SLC27A6: variants seen among roughly 807,000 people sequenced by gnomAD.
SLC27A6 encodes the protein long-chain fatty acid transport protein 6.
A neutral mutation model predicts 63.9 loss-of-function variants in SLC27A6; 74 were observed. The ratio of observed to expected loss-of-function variants is 1.16; its 90% CI spans 0.96 to 1.40. SLC27A6 has a LOEUF of 1.40. Ranked by LOEUF, SLC27A6 falls within the 40% of genes most tolerant of loss-of-function variation. The pLI, the probability that SLC27A6 is intolerant of heterozygous loss-of-function variation, is 0.00. For synonymous variants in SLC27A6, 287 were observed against 260.8 expected, an observed-to-expected ratio of 1.10 and a Z score of -0.97; for missense variants, 794 against 732.9, an observed-to-expected ratio of 1.08 and a Z score of -0.96.
rs1188447661 is a variant in SLC27A6 at position 128,990,474 on chromosome 5, A to C, written c.969+10A>C. On this transcript the variant is annotated intron_variant, in intron 4 of 9. Transcript: ENST00000262462. ...TTGCAAACAATCTAAGGTAGGCGTAATCATTATCAGAAAAAAATATGTCAG... is the reference window on the plus strand; with the variant it reads ...TTGCAAACAATCTAAGGTAGGCGTACTCATTATCAGAAAAAAATATGTCAG... 1 of 1,582,858 alleles carries C rather than the reference A, an allele frequency of 6.3e-7. No homozygotes were observed. Among genetic ancestry groups the C allele is most frequent in the African/African-American group, 1.6e-5 (1 of 63,454 alleles).
chr5:128,994,086 T>C (rs1751072575), intron 4 of SLC27A6, among the ~76,000 whole-genome samples: 1 of 152,100 alleles, frequency 6.6e-6, no homozygotes, highest in Non-Finnish European at 1.5e-5. Flanking sequence ...GAGAATTGCT[T>C]AACCCCGTGA....
At position 128,982,874 on chromosome 5, in the gene SLC27A6, G is replaced by A. The variant is rs560142455; in HGVS notation, c.482-2259G>A. ...ATAAAAATTAATAAGACATCTTAAG[G>A]CTATGAACCCCACTTTCCACCGCAT... is the stretch of plus-strand genomic sequence containing the variant. On this transcript the variant is annotated intron_variant, in intron 1 of 9. Transcript: ENST00000262462. Among the ~76,000 whole-genome samples, 6 of 152,156 alleles carry A rather than the reference G, an allele frequency of 3.9e-5. No individual in the cohort carries two copies. The South Asian group carries it at 8.3e-4, about 21-fold the overall frequency.
chr5:128,968,004 A>G (rs1020204502), intron 1 of SLC27A6, among the ~76,000 whole-genome samples: 1 of 151,906 alleles, frequency 6.6e-6, no homozygotes, highest in Admixed American at 6.6e-5. Flanking sequence ...GAGTGAGAAC[A>G]TGTGGTGTTT....
intron 1 of SLC27A6, among the ~76,000 whole-genome samples, chr5:128,983,227 A>G (rs899299374): frequency 1.2e-3 from 182 of 151,622 alleles, no homozygotes; most frequent in African/African-American, 4.1e-3. Context: ...TAGAAAAAAT[A>G]TAATTGCTTT....
At chr5:129,029,552 G>T (rs774282317) in intron 8 of SLC27A6, 25 bp from the exon 9 acceptor site, 2 of 1,506,970 alleles carry the variant, frequency 1.3e-6, no homozygotes, top group South Asian at 2.5e-5. Context: ...ACTTAAAAAT[G>T]ACTCTATTTC....
intron 1 of SLC27A6, among the ~76,000 whole-genome samples, chr5:128,973,222 GGGTCAGGGACCCACTT>G (rs1750252422): frequency 6.6e-6 from 1 of 152,156 alleles, no homozygotes; most frequent in Non-Finnish European, 1.5e-5. Context: ...GGCTACTCGT[GGGTCAGGGACCCACTT>G]GAGGAGGCAG....
Position 129,029,597 on chromosome 5 carries a change from A to T in SLC27A6, c.1573A>T (p.Met525Leu), listed in dbSNP as rs780325325. 6.3e-7 allele frequency: 1 copy of T among 1,581,834 alleles called. No homozygotes were observed. Among genetic ancestry groups the T allele is most frequent in the South Asian group, 1.2e-5 (1 of 85,610 alleles). ...AISGYEGRAG[M>L]ASIILKPNTS... ...TTCAGGTTATGAAGGAAGAGCAGGAATGGCTTCTATTATTTTAAAACCAAA... is the reference window on the plus strand; with the variant it reads ...TTCAGGTTATGAAGGAAGAGCAGGATTGGCTTCTATTATTTTAAAACCAAA... Residue 525 changes from methionine (M) to leucine (L), a missense_variant, in exon 9 of 10, where the codon ATG becomes TTG. By Grantham distance (15) the Met-to-Leu change is conservative. Transcript: ENST00000262462.
intron 6 of SLC27A6, among the ~76,000 whole-genome samples, chr5:129,026,129 A>AT (rs1015644838): frequency 2.0e-5 from 3 of 151,940 alleles, no homozygotes; most frequent in African/African-American, 4.8e-5. Context: ...AGTGAGAGTT[A>AT]TTTTTTTTAA....
chr5:129,014,093 A>C (rs1483666554), intron 4 of SLC27A6, among the ~76,000 whole-genome samples: 1 of 152,152 alleles, frequency 6.6e-6, no homozygotes, highest in Non-Finnish European at 1.5e-5. Flanking sequence ...GGGTATCGGA[A>C]TTCTGATACT....
At position 129,015,961 on chromosome 5, in the gene SLC27A6, T is replaced by C. The variant is rs1463604533; in HGVS notation, c.1046T>C (p.Leu349Ser). ...GIRSDVWREF[L>S]DRFGNIKVCE... ...CGGAGTGATGTATGGAGAGAATTTTTAGACAGATTTGGAAATATAAAGGTG... is the reference window on the plus strand; with the variant it reads ...CGGAGTGATGTATGGAGAGAATTTTCAGACAGATTTGGAAATATAAAGGTG... Residue 349 changes from leucine to serine, a missense_variant, in exon 5 of 10, where the codon TTA (leucine) becomes TCA (serine). Transcript: ENST00000262462. The C allele has an allele frequency of 6.2e-7, 1 of 1,609,498 alleles. No homozygotes were observed. The highest frequency in any genetic ancestry group is 1.3e-5 in the African/African-American group (1 of 74,608).
intron 1 of SLC27A6, among the ~76,000 whole-genome samples, chr5:128,984,678 G>C (rs571997495): frequency 5.3e-5 from 8 of 152,258 alleles, no homozygotes; most frequent in Admixed American, 5.2e-4. Context: ...CAATGATCTT[G>C]TGATTTCAGA....
At position 129,012,201 on chromosome 5, in the gene SLC27A6, AT is replaced by A. The variant is rs964293595; in HGVS notation, c.970-3675del. Among the ~76,000 whole-genome samples the A allele has an allele frequency of 4.3e-4, 65 of 150,000 alleles. 1 individual carries two copies. The highest frequency in any genetic ancestry group is 2.9e-3 in the Admixed American group (43 of 15,078). ...AAATACTTTTTAAATTTTCATTGTA[AT>A]TTTTTTTTCTTTTACCCATGGGTTG... On this transcript the variant is annotated intron_variant, in intron 4 of 9. Coordinates refer to ENST00000262462, the MANE Select transcript of SLC27A6 (RefSeq NM_001017372.3).
intron 9 of SLC27A6, among the ~76,000 whole-genome samples, chr5:129,030,270 A>T (rs1179937749): frequency 6.6e-6 from 1 of 152,024 alleles, no homozygotes; most frequent in African/African-American, 2.4e-5. Context: ...AAATTTCCTT[A>T]ACTACTGGGT....
At chr5:129,024,182 C>A (rs999205005) in intron 6 of SLC27A6, among the ~76,000 whole-genome samples, 2 of 151,806 alleles carry the variant, frequency 1.3e-5, no homozygotes, top group African/African-American at 4.8e-5. Context: ...TGTTAAGAGC[C>A]CTAGAGGGAT....
chr5:129,016,082 A>G lies in SLC27A6; in HGVS notation c.1164+3A>G. 1 of 1,585,346 alleles carries G rather than the reference A, an allele frequency of 6.3e-7. No homozygotes were observed. The highest frequency in any genetic ancestry group is 8.6e-7 in the Non-Finnish European group (1 of 1,168,462). On this transcript the variant is annotated splice_donor_region_variant and intron_variant, in intron 5 of 9. Coordinates refer to ENST00000262462, the MANE Select transcript of SLC27A6 (RefSeq NM_001017372.3). The stretch of plus-strand genomic sequence containing the variant: ...GGAGAACAAATTTGTTTTACAAAGT[A>G]AGTACAGCATTTTCCTTATTAAAGA...
rs1750737758 is a variant in SLC27A6, at chr5:128,984,992, G to A, written c.482-141G>A. The A allele has an allele frequency of 4.7e-6, 3 of 642,822 alleles. No individual in the cohort carries two copies. The East Asian group carries it at 8.2e-5, about 18-fold the overall frequency. 39.8% of individuals were successfully genotyped at this position (642,822 alleles called of 1,614,324 possible). On this transcript the variant is annotated intron_variant, in intron 1 of 9. Transcript: ENST00000262462. Reference sequence around the variant, plus strand: ...GTTGAAACGGAACCATAAAATGACTGTGATATTACTTATCCAACATAAGAA... The same window carrying A: ...GTTGAAACGGAACCATAAAATGACTATGATATTACTTATCCAACATAAGAA...
intron 4 of SLC27A6, among the ~76,000 whole-genome samples, chr5:129,006,766 A>G (rs1201701725): frequency 6.6e-6 from 1 of 152,050 alleles, no homozygotes; most frequent in African/African-American, 2.4e-5. Context: ...TCATGTTTAG[A>G]TTCTTAGTTA....
intron 4 of SLC27A6, among the ~76,000 whole-genome samples, chr5:129,008,635 G>T (rs926070922): frequency 6.6e-6 from 1 of 152,192 alleles, no homozygotes; most frequent in Non-Finnish European, 1.5e-5. Context: ...TTCCATGCCA[G>T]GCAGGCAAAA....
chr5:129,006,071 G>GTTTTTTTTTTTTTTATTTTTTTTTT (rs1751515048), intron 4 of SLC27A6, among the ~76,000 whole-genome samples: 1 of 60,148 alleles, frequency 1.7e-5, no homozygotes, highest in Non-Finnish European at 2.7e-5. Context: ...TGTGCACACT[G>GTTTTTTTTTTTTTTATTTTTTTTTT]TTTTTTTTTT....
Sources: allele counts gnomAD v4.1 joint callset (sites outside exome capture counted in the v4.1 genomes callset), GRCh38; gene constraint gnomAD v4.1.1; transcripts MANE v1.5; gene names NCBI Gene and HGNC (gene_info 2026-07-23, HGNC 2026-07-21).